Variants in NWD1 observed in about 807,000 individuals in gnomAD.
NWD1 encodes the protein NACHT domain- and WD repeat-containing protein 1.
NWD1 carries 129 observed loss-of-function variants against 135.1 expected under a neutral mutation model. The observed-to-expected ratio is 0.96, with a 90% CI of 0.83 to 1.11. NWD1 has a LOEUF of 1.11. Ranked by LOEUF, NWD1 falls within the 50% of genes least tolerant of loss-of-function variation. The pLI, the probability that NWD1 is intolerant of heterozygous loss-of-function variation, is 0.00. For missense variants in NWD1, 1,740 were observed against 1,851.3 expected (o/e 0.94, Z 1.10); for synonymous variants, 773 against 786.0 (o/e 0.98, Z 0.28).
intron 18 of NWD1, among the ~76,000 whole-genome samples, chr19:16,811,615 AAAAAG>A (rs901207691): frequency 6.6e-5 from 10 of 152,028 alleles, no homozygotes; most frequent in Admixed American, 6.6e-5. Flanking sequence ...GAAAGAAAGA[AAAAAG>A]AAAAGAAAAG....
At chr19:16,731,041 C>A in intron 2 of NWD1, 151 bp from the exon 3 acceptor site, 1 of 497,798 alleles carries the variant, frequency 2.0e-6, no homozygotes, top group Middle Eastern at 4.8e-4. Flanking sequence ...GCCAGGAACT[C>A]GAGACCAGCC....
chr19:16,756,431 A>G (rs1156863994), intron 6 of NWD1, among the ~76,000 whole-genome samples: 2 of 152,140 alleles, frequency 1.3e-5, no homozygotes, highest in African/African-American at 4.8e-5. Context: ...AGGCGGAAGA[A>G]AATCCACATA....
At chr19:16,737,708 T>C (rs1466979657) in intron 4 of NWD1, among the ~76,000 whole-genome samples, 1 of 151,342 alleles carries the variant, frequency 6.6e-6, no homozygotes, top group Non-Finnish European at 1.5e-5. Context: ...GCGTGGTGGC[T>C]CACACCTGTA....
In NWD1 at chr19:16,731,213, C is replaced by G. The variant is rs1006994805; in HGVS notation, c.16C>G (p.Pro6Ala). 6.5e-7 allele frequency: 1 copy of G among 1,532,756 alleles called. No homozygotes were observed. The highest frequency in any genetic ancestry group is 1.4e-5 in the African/African-American group (1 of 72,972). 94.9% of individuals were successfully genotyped at this position (1,532,756 alleles called of 1,614,324 possible). A position where few individuals can be genotyped will look rare whatever the true frequency, so the allele number is the denominator to read the frequency against. The change falls in exon 3 of 19, where the codon CCC (proline) becomes GCC (alanine). Residue 6 changes from proline (P) to alanine (A), a missense_variant. Coordinates refer to ENST00000524140, the MANE Select transcript of NWD1 (RefSeq NM_001007525.5). MQRGKPCRALPTLKCQ... is the reference protein window; with the variant it reads MQRGKACRALPTLKCQ... ...GCAGATATGGATGCAGAGAGGGAAGCCCTGCAGAGCACTGCCTACCCTGAA... is the reference window on the plus strand; with the variant it reads ...GCAGATATGGATGCAGAGAGGGAAGGCCTGCAGAGCACTGCCTACCCTGAA...
intron 16 of NWD1, among the ~76,000 whole-genome samples, chr19:16,798,485 C>T (rs917693449): frequency 6.6e-6 from 1 of 152,066 alleles, no homozygotes; most frequent in Non-Finnish European, 1.5e-5. Context: ...ATGGCATGTG[C>T]CTGTAGTCCT....
At chr19:16,794,895 C>T (rs1456085125) in intron 15 of NWD1, among the ~76,000 whole-genome samples, 1 of 152,114 alleles carries the variant, frequency 6.6e-6, no homozygotes, top group African/African-American at 2.4e-5. Context: ...GATCCTCCCA[C>T]GTCAGCTTCC....
intron 18 of NWD1, among the ~76,000 whole-genome samples, chr19:16,810,892 G>T (rs1044443521): frequency 6.6e-6 from 1 of 152,012 alleles, no homozygotes; most frequent in Non-Finnish European, 1.5e-5. Context: ...TTGAGGCAGG[G>T]TCTTACTCTG....
At chr19:16,772,664 T>A (rs920371598) in intron 10 of NWD1, among the ~76,000 whole-genome samples, 8 of 151,734 alleles carry the variant, frequency 5.3e-5, no homozygotes, top group Non-Finnish European at 7.4e-5. Context: ...ATAAATAAAA[T>A]AAAATAAAAC....
At chr19:16,802,947 C>CAA (rs59153702) in intron 17 of NWD1, among the ~76,000 whole-genome samples, 4,193 of 81,832 alleles carry the variant, frequency 0.051, 245 homozygotes, top group African/African-American at 0.16. Context: ...GACTCTGTCT[C>CAA]AAAAAAAAAA....
intron 17 of NWD1, among the ~76,000 whole-genome samples, chr19:16,802,096 C>T (rs1970618841): frequency 6.6e-6 from 1 of 151,752 alleles, no homozygotes; most frequent in Non-Finnish European, 1.5e-5. Context: ...CTAGCCTGGC[C>T]AACATGGTGA....
intron 8 of NWD1, among the ~76,000 whole-genome samples, chr19:16,762,357 C>T (rs371397045): frequency 1.5e-3 from 197 of 134,936 alleles, no homozygotes; most frequent in African/African-American, 5.2e-3. Context: ...AGTGCAATGG[C>T]GTGATCTCAG....
chr19:16,741,849 G>T lies in NWD1; in HGVS notation c.199-2572G>T, dbSNP rs549838664. The stretch of plus-strand genomic sequence containing the variant: ...AGGTTGGCTGGGCCCGGTGGCTCCT[G>T]CCTGTAATCCCAGAACGTTGGGAGG... On this transcript the variant is annotated intron_variant, in intron 4 of 18. Coordinates refer to ENST00000524140, the MANE Select transcript of NWD1 (RefSeq NM_001007525.5). 2.6e-5 allele frequency among the ~76,000 whole-genome samples: 4 copies of T among 152,216 alleles called. No individual in the cohort carries two copies. In the South Asian group the frequency reaches 8.3e-4, roughly 32 times the overall value.
rs750347429 is a variant in NWD1, at chr19:16,800,072, G to A, written c.3646G>A (p.Gly1216Ser). ...GCCTGCACCATTTCTGGACCGCACCGGCCTCACCGCAGTGTCCCACAATGG... is the reference window on the plus strand; with the variant it reads ...GCCTGCACCATTTCTGGACCGCACCAGCCTCACCGCAGTGTCCCACAATGG... ...RVPAPFLDRT[G>S]LTAVSHNGSY... is the part of the protein sequence containing the mutation. The change falls in exon 17 of 19, where the codon GGC becomes AGC. Residue 1216 changes from glycine (G) to serine (S), a missense_variant. By Grantham distance (56) the Gly-to-Ser change is moderately conservative. Transcript: ENST00000524140. 3.2e-5 allele frequency: 51 copies of A among 1,614,038 alleles called. No individual in the cohort carries two copies. The highest frequency in any genetic ancestry group is 3.9e-5 in the Non-Finnish European group (46 of 1,179,990).
At chr19:16,751,076 T>C (rs1254944703) in intron 6 of NWD1, among the ~76,000 whole-genome samples, 10 of 150,734 alleles carry the variant, frequency 6.6e-5, no homozygotes, top group East Asian at 3.9e-4. Context: ...TACAAAAAAT[T>C]AGCCAGGCGT....
intron 16 of NWD1, among the ~76,000 whole-genome samples, chr19:16,799,125 T>C (rs921163831): frequency 6.6e-6 from 1 of 152,128 alleles, no homozygotes; most frequent in African/African-American, 2.4e-5. Flanking sequence ...GTGAAGGCCC[T>C]TGAACTTACA....
intron 3 of NWD1, among the ~76,000 whole-genome samples, chr19:16,736,364 G>T (rs148385342): frequency 0.022 from 3,356 of 151,942 alleles, 118 homozygotes; most frequent in African/African-American, 0.077. Context: ...CGAGTAGCTG[G>T]GACTACAGGT....
intron 6 of NWD1, among the ~76,000 whole-genome samples, chr19:16,755,997 T>A (rs1244055463): frequency 1.3e-5 from 2 of 152,090 alleles, no homozygotes; most frequent in African/African-American, 4.8e-5. Context: ...ACCAGTAACA[T>A]AAATGGTCGA....
intron 15 of NWD1, among the ~76,000 whole-genome samples, chr19:16,796,654 T>C (rs148997408): frequency 6.6e-6 from 1 of 152,144 alleles, no homozygotes; most frequent in East Asian, 1.9e-4. Flanking sequence ...TCTTCCTTCC[T>C]TCTTCCCCTT....
intron 14 of NWD1, 25 bp downstream of exon 14, chr19:16,791,647 G>A (rs1279375438): frequency 1.2e-6 from 2 of 1,608,652 alleles, no homozygotes; most frequent in Non-Finnish European, 1.7e-6. Flanking sequence ...TGACTATGAT[G>A]TGAACATTAA....
Sources: allele counts gnomAD v4.1 joint callset (sites outside exome capture counted in the v4.1 genomes callset), GRCh38; gene constraint gnomAD v4.1.1; transcripts MANE v1.5; gene names NCBI Gene and HGNC (gene_info 2026-07-23, HGNC 2026-07-21).